CSMD1: variants seen among roughly 807,000 people sequenced by gnomAD.
The protein encoded by CSMD1 is CUB and sushi domain-containing protein 1.
A neutral mutation model predicts 417.5 loss-of-function variants in CSMD1; 213 were observed. The ratio of observed to expected loss-of-function variants is 0.51; its 90% confidence interval spans 0.46 to 0.57. The LOEUF (loss-of-function observed/expected upper bound fraction) is 0.57, where lower values mean the gene tolerates loss of function less well. Among genes scored for constraint, CSMD1 ranks in the 20% least tolerant of loss-of-function variants. CSMD1 has a pLI of 0.00. For synonymous variants in CSMD1, 2,862 were observed against 1,736.8 expected, an observed-to-expected ratio of 1.65 and a Z score of -16.11; for missense variants, 6,923 against 4,529.7, an observed-to-expected ratio of 1.53 and a Z score of -15.17.
chr8:3,268,414 G>A (rs1050307280), intron 26 of CSMD1, among the ~76,000 whole-genome samples: 7 of 145,188 alleles, frequency 4.8e-5, no homozygotes, highest in African/African-American at 1.5e-4. Context: ...TCAACCTCCC[G>A]AGTAACTGGG....
At chr8:3,391,006 C>T (rs1461463448) in intron 17 of CSMD1, among the ~76,000 whole-genome samples, 2 of 152,254 alleles carry the variant, frequency 1.3e-5, no homozygotes, top group South Asian at 2.1e-4. Context: ...GAAACCTGAG[C>T]CTTTGCCTGC....
At chr8:3,415,118 C>G (rs1003298907) in intron 12 of CSMD1, among the ~76,000 whole-genome samples, 4 of 152,136 alleles carry the variant, frequency 2.6e-5, no homozygotes, top group African/African-American at 9.7e-5. Context: ...CATTTACATA[C>G]TAAATTGTAT....
rs943333565 is a variant in CSMD1, at chr8:3,966,026, C to G, written c.818+31877G>C. ...GCATAGATTCAATTTTAGAAAGAAG[C>G]AGAAGACACTGGTGAGAGAATGAAT... On this transcript the variant is annotated intron_variant, in intron 5 of 69. Coordinates refer to ENST00000635120, the MANE Select transcript of CSMD1 (RefSeq NM_033225.6). 2.6e-5 allele frequency among the ~76,000 whole-genome samples: 4 copies of G among 152,092 alleles called. No homozygotes were observed. In the East Asian group the frequency reaches 5.8e-4, roughly 22 times the overall value.
At chr8:3,187,439 C>A (rs10216980) in intron 36 of CSMD1, among the ~76,000 whole-genome samples, 2 of 151,884 alleles carry the variant, frequency 1.3e-5, no homozygotes, top group African/African-American at 4.8e-5. Context: ...CAATTTCGTG[C>A]CTGGCTACAT....
At chr8:3,092,977 T>C (rs141715628) in intron 47 of CSMD1, among the ~76,000 whole-genome samples, 1 of 152,308 alleles carries the variant, frequency 6.6e-6, no homozygotes, top group Non-Finnish European at 1.5e-5. Flanking sequence ...ATTTTATTTG[T>C]GCAAAGATAC....
chr8:3,111,263 G>T (rs187544170), intron 42 of CSMD1, among the ~76,000 whole-genome samples: 1 of 152,254 alleles, frequency 6.6e-6, no homozygotes, highest in Non-Finnish European at 1.5e-5. Context: ...CCATGAGGCG[G>T]GATATGATAC....
intron 1 of CSMD1, among the ~76,000 whole-genome samples, chr8:4,982,468 G>C (rs945907724): frequency 6.6e-6 from 1 of 152,136 alleles, no homozygotes; most frequent in African/African-American, 2.4e-5. Context: ...CTCATTTGGA[G>C]ACAAAGAACG....
chr8:3,351,369 C>T (rs901842079), intron 21 of CSMD1, among the ~76,000 whole-genome samples: 21 of 151,814 alleles, frequency 1.4e-4, no homozygotes, highest in East Asian at 3.9e-4. Flanking sequence ...CCAGCACTTT[C>T]GGAGGCCGAG....
In CSMD1 at chr8:4,031,933, C is replaced by T. The variant is rs377756447; in HGVS notation, c.582G>A (p.Ser194=). 158 of 1,613,682 alleles carry T rather than the reference C, an allele frequency of 9.8e-5. 2 individuals are homozygous for T. The Middle Eastern group carries it at 9.9e-4, about 10-fold the overall frequency. ...TGCAAAAGGGAGCTGGGAAGTCCCA[C>T]GATGCACCATTTCCTGGGCTGACGA... ...TCIVSPGNGA[S]WDFPAPFCRA... Residue 194 remains serine, a synonymous_variant, in exon 4 of 70, where the codon TCG becomes TCA. Coordinates refer to ENST00000635120, the MANE Select transcript of CSMD1 (RefSeq NM_033225.6).
At position 3,918,497 on chromosome 8, in the gene CSMD1, A is replaced by C. The variant is rs148126398; in HGVS notation, c.818+79406T>G. Among the ~76,000 whole-genome samples the C allele has an allele frequency of 3.0e-4, 46 of 152,234 alleles. No individual in the cohort carries two copies. The East Asian group carries it at 8.1e-3, about 27-fold the overall frequency. On this transcript the variant is annotated intron_variant, in intron 5 of 69. Transcript: ENST00000635120. ...GTTGGACGTTTGTATGTCTTTGCAG[A>C]TATATCTACTTGGGTTATTTGCCCA...
Position 2,936,602 on chromosome 8 carries a change from T to C in CSMD1, c.*1983A>G, listed in dbSNP as rs1801503699. The C allele has an allele frequency of 6.6e-6, 1 of 152,134 alleles. No homozygotes were observed. 9.4% of individuals were successfully genotyped at this position (152,134 alleles called of 1,614,324 possible). ...TGTGGGCAGGTTGGCCAGGGAAAAC[T>C]GTGCAGAGAATTCAGCATAATGATA... On this transcript the variant is annotated 3_prime_UTR_variant, in exon 70 of 70. Transcript: ENST00000635120.
At chr8:4,289,516 T>G (rs1367286814) in intron 3 of CSMD1, among the ~76,000 whole-genome samples, 1 of 152,182 alleles carries the variant, frequency 6.6e-6, no homozygotes, top group African/African-American at 2.4e-5. Flanking sequence ...ACTGTCAGTA[T>G]GAGCAAGATG....
intron 5 of CSMD1, among the ~76,000 whole-genome samples, chr8:3,854,537 G>A (rs1200595639): frequency 6.6e-6 from 1 of 152,060 alleles, no homozygotes; most frequent in Non-Finnish European, 1.5e-5. Flanking sequence ...CGGGTTATGG[G>A]CAGTTTCATT....
At chr8:3,893,184 C>G (rs111229287) in intron 5 of CSMD1, among the ~76,000 whole-genome samples, 7 of 151,334 alleles carry the variant, frequency 4.6e-5, no homozygotes, top group African/African-American at 1.7e-4. Context: ...AAAACATGTT[C>G]CCAGGGCACG....
At chr8:4,486,184 T>TATATATATATATACATAC (rs1801388074) in intron 2 of CSMD1, among the ~76,000 whole-genome samples, 1 of 16,480 alleles carries the variant, frequency 6.1e-5, no homozygotes, top group African/African-American at 3.8e-4. Flanking sequence ...TACATACATA[T>TATATATATATATACATAC]ATATATATAT....
At position 3,110,047 on chromosome 8, in the gene CSMD1, T is replaced by C. The variant is rs185984300; in HGVS notation, c.6608+111A>G. On this transcript the variant is annotated intron_variant, in intron 43 of 69. Transcript: ENST00000635120. ...TTTCGTTGGTGAATTTCTTCTCTAG[T>C]ATCTAAGAAGTTTATTCTAAATATG... 84 of 894,348 alleles carry C rather than the reference T, an allele frequency of 9.4e-5. No homozygotes were observed. In the African/African-American group the frequency reaches 1.3e-3, roughly 14 times the overall value. The allele number at this position is 894,348 out of a possible 1,614,324, so 55.4% of individuals were successfully genotyped here.
At chr8:3,709,563 C>T (rs545252089) in intron 6 of CSMD1, among the ~76,000 whole-genome samples, 2 of 152,014 alleles carry the variant, frequency 1.3e-5, no homozygotes, top group African/African-American at 4.8e-5. Context: ...GATGGCTCTC[C>T]CCAGTGTGGG....
intron 3 of CSMD1, among the ~76,000 whole-genome samples, chr8:4,141,330 A>G (rs1365293279): frequency 6.6e-6 from 1 of 151,298 alleles, no homozygotes; most frequent in Admixed American, 6.6e-5. Context: ...AAATGAAGCT[A>G]CTACTGTTCA....
chr8:4,150,504 A>G (rs529860063), intron 3 of CSMD1, among the ~76,000 whole-genome samples: 7 of 152,328 alleles, frequency 4.6e-5, no homozygotes, highest in Non-Finnish European at 7.3e-5. Flanking sequence ...GATATCTTCT[A>G]GAAGGCAGAA....
Sources: gnomAD v4.1 joint callset for allele counts (sites outside exome capture counted in the v4.1 genomes callset) on GRCh38, gnomAD v4.1.1 for gene constraint, MANE v1.5 for transcripts, NCBI Gene and HGNC (gene_info 2026-07-23, HGNC 2026-07-21) for gene names.